DAPK1: variants seen among roughly 807,000 people sequenced by gnomAD.
DAPK1 encodes death-associated protein kinase 1.
A neutral mutation model predicts 144.9 loss-of-function variants in DAPK1; 56 were observed. The ratio of observed to expected loss-of-function variants is 0.39; its 90% confidence interval spans 0.31 to 0.48. DAPK1 has a LOEUF of 0.48. Among genes scored for constraint, DAPK1 ranks in the 20% least tolerant of loss-of-function variants. The pLI is 0.95. For missense variants in DAPK1, 1,454 were observed against 1,875.4 expected (o/e 0.78, Z 4.15); for synonymous variants, 690 against 749.0 (o/e 0.92, Z 1.29).
rs1825288198 is a variant in DAPK1 at position 87,697,125 on chromosome 9, G to A, written c.2532G>A (p.Glu844=). Residue 844 remains glutamate (E), a synonymous_variant, in exon 22 of 26, where the codon GAG becomes GAA. Transcript: ENST00000408954. ...SIHVVVFSLE[E]PYEIQLNQVI... Reference sequence around the variant, plus strand: ...ATGTTGTTGTCTTTAGTCTAGAAGAGCCCTATGAGATCCAGCTGAACCAAG... The same window carrying A: ...ATGTTGTTGTCTTTAGTCTAGAAGAACCCTATGAGATCCAGCTGAACCAAG... The A allele has an allele frequency of 7.0e-6, 11 of 1,567,630 alleles. No individual in the cohort carries two copies. The highest frequency in any genetic ancestry group is 1.7e-4 in the Middle Eastern group (1 of 6,002).
At chr9:87,571,976 G>A (rs977903737) in intron 2 of DAPK1, among the ~76,000 whole-genome samples, 3 of 152,164 alleles carry the variant, frequency 2.0e-5, no homozygotes, top group African/African-American at 7.2e-5. Context: ...TGCCTTTGTG[G>A]ATCAGCCAAG....
At chr9:87,526,098 AG>A (rs768841815) in intron 2 of DAPK1, among the ~76,000 whole-genome samples, 9 of 151,858 alleles carry the variant, frequency 5.9e-5, no homozygotes, top group Admixed American at 1.3e-4. Flanking sequence ...GCTTACAGCC[AG>A]GAATTCAGCC....
At position 87,649,820 on chromosome 9, in the gene DAPK1, G is replaced by A. The variant is rs546954868; in HGVS notation, c.1429-101G>A. 8 of 1,064,110 alleles carry A rather than the reference G, an allele frequency of 7.5e-6. No individual in the cohort carries two copies. In the South Asian group the frequency reaches 1.0e-4, roughly 14 times the overall value. 65.9% of individuals were successfully genotyped at this position (1,064,110 alleles called of 1,614,324 possible). On this transcript the variant is annotated intron_variant, in intron 15 of 25. Coordinates refer to ENST00000408954, the MANE Select transcript of DAPK1 (RefSeq NM_004938.4). ...ATGAGCTCTTTCCCTCTGCTGCCTT[G>A]GTTGCGTTTCTGCCAAATTTGACAG...
At chr9:87,632,263 A>G in intron 3 of DAPK1, 10 of 983,530 alleles carry the variant, frequency 1.0e-5, no homozygotes, top group Non-Finnish European at 1.1e-5. Context: ...GGTGATCAGT[A>G]TATATGTAGG....
chr9:87,685,515 A>G (rs886987373), intron 20 of DAPK1, among the ~76,000 whole-genome samples: 7 of 152,180 alleles, frequency 4.6e-5, no homozygotes, highest in East Asian at 1.9e-4. Context: ...TCGTTCACCA[A>G]GTTCTTACAG....
intron 2 of DAPK1, among the ~76,000 whole-genome samples, chr9:87,567,036 G>A (rs1827152905): frequency 6.7e-6 from 1 of 148,992 alleles, no homozygotes; most frequent in South Asian, 2.1e-4. Flanking sequence ...CAGAATTCAC[G>A]TTGGCAGTTA....
chr9:87,561,893 G>T (rs1473620317), intron 2 of DAPK1, among the ~76,000 whole-genome samples: 4 of 152,146 alleles, frequency 2.6e-5, no homozygotes, highest in Non-Finnish European at 5.9e-5. Context: ...CCATGCCCAG[G>T]GTTCAAGCAA....
chr9:87,511,813 C>A (rs1257406954), intron 2 of DAPK1, among the ~76,000 whole-genome samples: 1 of 151,560 alleles, frequency 6.6e-6, no homozygotes, highest in African/African-American at 2.4e-5. Flanking sequence ...TGGTTTCAAG[C>A]GATTCTCCTG....
chr9:87,559,896 T>C (rs1383735657), intron 2 of DAPK1, among the ~76,000 whole-genome samples: 2 of 152,074 alleles, frequency 1.3e-5, no homozygotes, highest in African/African-American at 4.8e-5. Context: ...GCCCCCTATC[T>C]TGCCCTTCCT....
intron 2 of DAPK1, among the ~76,000 whole-genome samples, chr9:87,512,861 G>A (rs1824902505): frequency 1.3e-5 from 2 of 151,972 alleles, no homozygotes. Flanking sequence ...GGCTGGTCTC[G>A]AACTCCTGAC....
At position 87,703,141 on chromosome 9, in the gene DAPK1, T is replaced by C. The variant is rs1420966141; in HGVS notation, c.2984T>C (p.Val995Ala). ...LMSLQQFVYD[V>A]QDQLNPLASE... Reference sequence around the variant, plus strand: ...TCGCTGCAGCAGTTTGTGTACGACGTGCAGGACCAGCTGAACCCCCTGGCC... The same window carrying C: ...TCGCTGCAGCAGTTTGTGTACGACGCGCAGGACCAGCTGAACCCCCTGGCC... Residue 995 changes from valine to alanine, a missense_variant, in exon 25 of 26, where the codon GTG (valine) becomes GCG (alanine). This residue lies in a region of DAPK1 where 1,025 missense variants were observed against 1,237.9 expected (regional missense o/e 0.83). Transcript: ENST00000408954. 6.2e-7 allele frequency: 1 copy of C among 1,610,940 alleles called. No individual in the cohort carries two copies. Among genetic ancestry groups the C allele is most frequent in the South Asian group, 1.1e-5 (1 of 91,020 alleles).
chr9:87,544,332 C>A (rs1826159911), intron 2 of DAPK1, among the ~76,000 whole-genome samples: 1 of 152,350 alleles, frequency 6.6e-6, no homozygotes, highest in Admixed American at 6.5e-5. Context: ...TCACTCAAAT[C>A]TCTGTCATGA....
chr9:87,696,730 C>A (rs569780777), intron 21 of DAPK1, among the ~76,000 whole-genome samples: 20 of 152,230 alleles, frequency 1.3e-4, no homozygotes, highest in South Asian at 6.2e-4. Flanking sequence ...TCACTCACTC[C>A]TTCCCACCAG....
Position 87,707,537 on chromosome 9 carries a change from C to T in DAPK1, c.*173C>T. Reference sequence around the variant, plus strand: ...TCTCTGCCGCTACCTCCCTCCCCGTCTCATTCCGTTGTCTGTGGATGGTCA... The same window carrying T: ...TCTCTGCCGCTACCTCCCTCCCCGTTTCATTCCGTTGTCTGTGGATGGTCA... On this transcript the variant is annotated 3_prime_UTR_variant, in exon 26 of 26. Coordinates refer to ENST00000408954, the MANE Select transcript of DAPK1 (RefSeq NM_004938.4). This position sits in a 1 kb window ranked among gnomAD's most constrained non-coding sequence, Gnocchi z 4.0. 3.3e-6 allele frequency: 2 copies of T among 599,626 alleles called. No individual in the cohort carries two copies. The highest frequency in any genetic ancestry group is 5.5e-5 in the East Asian group (2 of 36,232). 37.1% of individuals were successfully genotyped at this position (599,626 alleles called of 1,614,324 possible).
intron 2 of DAPK1, among the ~76,000 whole-genome samples, chr9:87,582,560 T>TTG (rs1827788478): frequency 6.6e-6 from 1 of 151,176 alleles, no homozygotes; most frequent in Non-Finnish European, 1.5e-5. Flanking sequence ...TTTCCTGCTT[T>TTG]TTTTTTTTTT....
At chr9:87,587,179 T>C (rs917849801) in intron 2 of DAPK1, among the ~76,000 whole-genome samples, 1 of 152,244 alleles carries the variant, frequency 6.6e-6, no homozygotes, top group African/African-American at 2.4e-5. Context: ...GCAGCTTCCC[T>C]GGCAGGAAAC....
At position 87,706,097 on chromosome 9, in the gene DAPK1, G is replaced by A; in HGVS notation, c.3061-35G>A. On this transcript the variant is annotated intron_variant, in intron 25 of 25. Transcript: ENST00000408954. The surrounding 1 kb of genome is among the most constrained non-coding windows in gnomAD (Gnocchi z 9.0). ...GGCTGGTGCACCTGGCCAGGGCTCT[G>A]TCCCTAAGCGTGACTTTCTGTTGTC... 1 of 1,537,246 alleles carries A rather than the reference G, an allele frequency of 6.5e-7. No individual in the cohort carries two copies. Among genetic ancestry groups the A allele is most frequent in the Non-Finnish European group, 8.9e-7 (1 of 1,128,648 alleles).
intron 17 of DAPK1, among the ~76,000 whole-genome samples, chr9:87,656,223 C>T (rs943741904): frequency 1.3e-5 from 2 of 151,814 alleles, no homozygotes; most frequent in Admixed American, 6.6e-5. Flanking sequence ...TGACACACGG[C>T]GGGTGTTGGG....
In DAPK1 at chr9:87,707,809, C is replaced by T. The variant is rs1022608058; in HGVS notation, c.*445C>T. 8.8e-6 allele frequency: 4 copies of T among 456,614 alleles called. No homozygotes were observed. The highest frequency in any genetic ancestry group is 1.8e-5 in the Non-Finnish European group (4 of 227,418). 28.3% of individuals were successfully genotyped at this position (456,614 alleles called of 1,614,324 possible). A position where few individuals can be genotyped will look rare whatever the true frequency, so the allele number is the denominator to read the frequency against. ...TACGCTTTTCTTTGTTATACCATTT[C>T]CTCAGCTTATCTCTTTTATATTTGT... On this transcript the variant is annotated 3_prime_UTR_variant, in exon 26 of 26. Coordinates refer to ENST00000408954, the MANE Select transcript of DAPK1 (RefSeq NM_004938.4). The surrounding 1 kb of genome is among the most constrained non-coding windows in gnomAD (Gnocchi z 4.0).
Sources: gnomAD v4.1 joint callset for allele counts (sites outside exome capture counted in the v4.1 genomes callset) on GRCh38, gnomAD v4.1.1 for gene constraint, gnomAD v4.1.1 regional missense constraint, Gnocchi (gnomAD v3.1) non-coding constraint, MANE v1.5 for transcripts, NCBI Gene and HGNC (gene_info 2026-07-23, HGNC 2026-07-21) for gene names.